CFHR5: variants seen among roughly 807,000 people sequenced by gnomAD.
The protein encoded by CFHR5 is complement factor H related 5, also known as complement factor H-related protein 5.
A neutral mutation model predicts 62.9 loss-of-function variants in CFHR5; 73 were observed. The observed-to-expected ratio is 1.16, with a 90% CI of 0.96 to 1.41. The LOEUF is 1.41. Among genes scored for constraint, CFHR5 ranks in the 40% most tolerant of loss-of-function variants. CFHR5 has a pLI of 0.00. For synonymous variants in CFHR5, 249 were observed against 227.2 expected (o/e 1.10, Z -0.86); for missense variants, 779 against 679.9 (o/e 1.15, Z -1.62).
chr1:196,978,816 T>C (rs1653462463), intron 1 of CFHR5, among the ~76,000 whole-genome samples: 1 of 152,166 alleles, frequency 6.6e-6, no homozygotes, highest in Non-Finnish European at 1.5e-5. Flanking sequence ...TACACAAGGA[T>C]TTCTAAAGGG....
rs2125036473 is a variant in CFHR5 at position 196,998,229 on chromosome 1, A to G, written c.1072A>G (p.Arg358Gly). Reference sequence around the variant, plus strand: ...TAATCATAATTCTAGAATACGTTACAGATGTTCAGACATCTTCAGATACAG... The same window carrying G: ...TAATCATAATTCTAGAATACGTTACGGATGTTCAGACATCTTCAGATACAG... Reference protein sequence around the residue: ...EFNHNSRIRYRCSDIFRYRHS... With the variant: ...EFNHNSRIRYGCSDIFRYRHS... The change falls in exon 7 of 10, where the codon AGA becomes GGA. Residue 358 changes from arginine (R) to glycine (G), a missense_variant. Arg to Gly is a moderately radical substitution (Grantham distance 125, BLOSUM62 -2). Coordinates refer to ENST00000256785, the MANE Select transcript of CFHR5 (RefSeq NM_030787.4). The G allele has an allele frequency of 2.5e-6, 4 of 1,610,650 alleles. No individual in the cohort carries two copies. In the East Asian group the frequency reaches 8.9e-5, roughly 36 times the overall value.
chr1:196,990,192 C>T (rs886169545), intron 3 of CFHR5, among the ~76,000 whole-genome samples: 9 of 151,954 alleles, frequency 5.9e-5, no homozygotes, highest in South Asian at 2.1e-4. Flanking sequence ...GATTACAACC[C>T]CTGCTTTTTT....
In CFHR5 at chr1:196,982,892, T is replaced by C; in HGVS notation, c.66T>C (p.Leu22=). 1 of 1,613,864 alleles carries C rather than the reference T, an allele frequency of 6.2e-7. No homozygotes were observed. ...TTGTGTTATTTTTCCCAGGAACACT[T>C]TGTGATTTTCCAAAAATACACCATG... ...WVSTVGGEGT[L]CDFPKIHHGF... Residue 22 remains leucine, a synonymous_variant, in exon 2 of 10, where the codon CTT becomes CTC. Transcript: ENST00000256785.
At chr1:196,998,330 T>C in intron 7 of CFHR5, 26 bp downstream of exon 7, 1 of 1,572,798 alleles carries the variant, frequency 6.4e-7, no homozygotes, top group Non-Finnish European at 8.7e-7. Flanking sequence ...AACATTTTGT[T>C]GATCTTGTTG....
intron 1 of CFHR5, among the ~76,000 whole-genome samples, chr1:196,981,952 C>T (rs985208871): frequency 4.6e-5 from 7 of 151,542 alleles, no homozygotes; most frequent in African/African-American, 1.2e-4. Context: ...TTTATGTATA[C>T]AGCATTTACC....
At position 196,996,032 on chromosome 1, in the gene CFHR5, A is replaced by T. The variant is rs1363882662; in HGVS notation, c.801A>T (p.Lys267Asn). The change falls in exon 6 of 10, where the codon AAA becomes AAT. Residue 267 changes from lysine (K) to asparagine (N), a missense_variant. By Grantham distance (94) the Lys-to-Asn change is moderately conservative. Coordinates refer to ENST00000256785, the MANE Select transcript of CFHR5 (RefSeq NM_030787.4). ...TTLPTCVEQV[K>N]TCGYIPELEY... ...ATTACATTTTCTTAGAACAAGTGAA[A>T]ACATGTGGATACATACCTGAACTCG... The T allele has an allele frequency of 6.2e-7, 1 of 1,613,808 alleles. No homozygotes were observed. The highest frequency in any genetic ancestry group is 8.5e-7 in the Non-Finnish European group (1 of 1,179,788).
chr1:196,988,487 T>C (rs1382303625), intron 3 of CFHR5, among the ~76,000 whole-genome samples: 2 of 152,186 alleles, frequency 1.3e-5, no homozygotes, highest in African/African-American at 4.8e-5. Context: ...GCCCATTCAG[T>C]ATGATATTGG....
At chr1:197,006,318 G>A (rs751167657) in intron 9 of CFHR5, among the ~76,000 whole-genome samples, 2 of 152,046 alleles carry the variant, frequency 1.3e-5, no homozygotes, top group Non-Finnish European at 2.9e-5. Context: ...ACCCATCATA[G>A]ATATCTGGAA....
rs377563612 is a variant in CFHR5, at chr1:196,982,888, C to A, written c.62C>A (p.Thr21Lys). ...SWVSTVGGEG[T>K]LCDFPKIHHG... Reference sequence around the variant, plus strand: ...AGTTTTGTGTTATTTTTCCCAGGAACACTTTGTGATTTTCCAAAAATACAC... The same window carrying A: ...AGTTTTGTGTTATTTTTCCCAGGAAAACTTTGTGATTTTCCAAAAATACAC... The change falls in exon 2 of 10, where the codon ACA becomes AAA. Residue 21 changes from threonine to lysine, a missense_variant. Physicochemically the swap from Thr to Lys is moderately conservative, Grantham distance 78 (BLOSUM62 -1). Transcript: ENST00000256785. 1.7e-5 allele frequency: 28 copies of A among 1,613,248 alleles called. No individual in the cohort carries two copies. The highest frequency in any genetic ancestry group is 2.3e-5 in the Non-Finnish European group (27 of 1,179,450).
At chr1:196,979,739 T>C (rs573453334) in intron 1 of CFHR5, among the ~76,000 whole-genome samples, 2 of 152,146 alleles carry the variant, frequency 1.3e-5, no homozygotes, top group South Asian at 4.2e-4. Flanking sequence ...ATTTATATAT[T>C]TATTTCAATA....
chr1:196,994,229 T>A lies in CFHR5; in HGVS notation c.580T>A (p.Trp194Arg). 1 of 1,613,616 alleles carries A rather than the reference T, an allele frequency of 6.2e-7. No individual in the cohort carries two copies. Among genetic ancestry groups the A allele is most frequent in the Non-Finnish European group, 8.5e-7 (1 of 1,179,714 alleles). Residue 194 changes from tryptophan (W) to arginine (R), a missense_variant, in exon 4 of 10, where the codon TGG becomes AGG. Transcript: ENST00000256785. ...SDSVQCYQFG[W>R]SPNFPTCKGQ... ...CTCAGTTCAATGTTACCAATTTGGG[T>A]GGTCACCTAACTTTCCAACATGCAA...
intron 9 of CFHR5, 123 bp downstream of exon 9, chr1:197,004,966 T>C (rs1654250170): frequency 1.3e-6 from 1 of 779,038 alleles, no homozygotes; most frequent in Admixed American, 2.4e-5. Context: ...CTGTCAAATG[T>C]AAATACATAC....
chr1:197,005,808 T>C (rs975234791), intron 9 of CFHR5, among the ~76,000 whole-genome samples: 2 of 152,056 alleles, frequency 1.3e-5, no homozygotes, highest in Non-Finnish European at 2.9e-5. Context: ...ACGATGTCTC[T>C]TTCTTCCACC....
chr1:197,004,560 A>C, intron 8 of CFHR5, 101 bp from the exon 9 acceptor site: 1 of 948,572 alleles, frequency 1.1e-6, no homozygotes, highest in Non-Finnish European at 1.7e-6. Flanking sequence ...AATTATTTGA[A>C]TTTCCAGACA....
At chr1:197,003,809 C>T (rs1316600777) in intron 8 of CFHR5, among the ~76,000 whole-genome samples, 3 of 151,970 alleles carry the variant, frequency 2.0e-5, no homozygotes, top group Non-Finnish European at 2.9e-5. Context: ...TGAAATTTTA[C>T]CTTATTGAAT....
At chr1:196,995,522 G>T (rs966951571) in intron 4 of CFHR5, among the ~76,000 whole-genome samples, 195 bp from the exon 5 acceptor site, 1 of 152,008 alleles carries the variant, frequency 6.6e-6, no homozygotes, top group African/African-American at 2.4e-5. Context: ...GCTCAAAATT[G>T]TTCATCATGA....
chr1:196,982,398 A>T (rs1487300595), intron 1 of CFHR5, among the ~76,000 whole-genome samples: 3 of 152,202 alleles, frequency 2.0e-5, no homozygotes, highest in Admixed American at 2.0e-4. Context: ...TCGGTCCGGC[A>T]TGGTGGTTCA....
chr1:196,984,525 G>T (rs1217745867), intron 3 of CFHR5, among the ~76,000 whole-genome samples: 1 of 152,154 alleles, frequency 6.6e-6, no homozygotes, highest in African/African-American at 2.4e-5. Context: ...AAATTAATAT[G>T]CTTGAGTCAA....
At chr1:196,993,682 A>T (rs1558286477) in intron 3 of CFHR5, among the ~76,000 whole-genome samples, 1 of 152,142 alleles carries the variant, frequency 6.6e-6, no homozygotes, top group Non-Finnish European at 1.5e-5. Context: ...ACTTGAAGGA[A>T]TTTTTTGTGA....
Sources: allele counts gnomAD v4.1 joint callset (sites outside exome capture counted in the v4.1 genomes callset), GRCh38; gene constraint gnomAD v4.1.1; transcripts MANE v1.5; gene names NCBI Gene and HGNC (gene_info 2026-07-23, HGNC 2026-07-21).